The following ANAPC7 variants were observed in gnomAD, a reference collection of about 807,000 sequenced individuals.
ANAPC7 encodes the protein anaphase promoting complex subunit 7.
ANAPC7 carries 25 observed loss-of-function variants against 63.3 expected under a neutral mutation model. The observed-to-expected ratio is 0.39, with a 90% CI of 0.29 to 0.55. The LOEUF (loss-of-function observed/expected upper bound fraction) is 0.55. ANAPC7 is among the 20% of genes least tolerant of loss of function. The probability of loss-of-function intolerance (pLI) is 0.57; values close to 1 mark genes in which losing one functional copy is unlikely to be tolerated. For synonymous variants in ANAPC7, 241 were observed against 251.7 expected (o/e 0.96, Z 0.40); for missense variants, 516 against 691.7 (o/e 0.75, Z 2.85).
chr12:110,390,124 G>A (rs1029449313), intron 3 of ANAPC7, among the ~76,000 whole-genome samples: 1 of 151,402 alleles, frequency 6.6e-6, no homozygotes, highest in Non-Finnish European at 1.5e-5. Context: ...GCTAGAGTGC[G>A]ATGGCACGAT....
chr12:110,373,859 A>G lies in ANAPC7; in HGVS notation c.*285T>C. On this transcript the variant is annotated 3_prime_UTR_variant, in exon 11 of 11. Transcript: ENST00000455511. ...TTTTGGATTTAGAAATTAGTTATATAAAAAGTACTCTTGGCCCAGAAGCCC... is the reference window on the plus strand; with the variant it reads ...TTTTGGATTTAGAAATTAGTTATATGAAAAGTACTCTTGGCCCAGAAGCCC... The G allele has an allele frequency of 3.0e-6, 1 of 334,498 alleles. No homozygotes were observed. Among genetic ancestry groups the G allele is most frequent in the Non-Finnish European group, 5.4e-6 (1 of 186,090 alleles). The allele number at this position is 334,498 out of a possible 1,614,324, so 20.7% of individuals were successfully genotyped here.
At chr12:110,388,697 T>C (rs568601005) in intron 3 of ANAPC7, 74 bp from the exon 4 acceptor site, 2 of 1,078,806 alleles carry the variant, frequency 1.9e-6, no homozygotes, top group South Asian at 1.3e-5. Context: ...GAAAAAGTCC[T>C]AATTTTCATT....
chr12:110,402,645 T>C (rs1028156232), intron 1 of ANAPC7, among the ~76,000 whole-genome samples: 8 of 151,018 alleles, frequency 5.3e-5, no homozygotes, highest in South Asian at 2.1e-4. Context: ...ATAAAGGATA[T>C]TAAGCAGGAG....
At position 110,403,401 on chromosome 12, in the gene ANAPC7, G is replaced by T. The variant is rs1015049164; in HGVS notation, c.101+126C>A. On this transcript the variant is annotated intron_variant, in intron 1 of 10. Transcript: ENST00000455511. ...TGCTCCGCTCCAGGACGCCCTCGCA[G>T]ACCCCGGAGCCTCCGCTGGCGCCGG... The T allele has an allele frequency of 1.1e-5, 12 of 1,059,726 alleles. No individual in the cohort carries two copies. In the African/African-American group the frequency reaches 1.3e-4, roughly 11 times the overall value. 65.6% of individuals were successfully genotyped at this position (1,059,726 alleles called of 1,614,324 possible).
At chr12:110,399,735 A>G (rs1300796943) in intron 1 of ANAPC7, among the ~76,000 whole-genome samples, 1 of 150,336 alleles carries the variant, frequency 6.7e-6, no homozygotes, top group Non-Finnish European at 1.5e-5. Context: ...GGTTGCAGTG[A>G]GCCAAGATCC....
chr12:110,399,811 A>AG (rs1243972376), intron 1 of ANAPC7, among the ~76,000 whole-genome samples: 2 of 145,760 alleles, frequency 1.4e-5, no homozygotes, highest in Admixed American at 1.4e-4. Flanking sequence ...AAAAAAAAAA[A>AG]GGGGCCAGGC....
chr12:110,397,725 G>A (rs533891371), intron 1 of ANAPC7, among the ~76,000 whole-genome samples: 59 of 151,998 alleles, frequency 3.9e-4, no homozygotes, highest in East Asian at 2.5e-3. Context: ...TGGTGAAACC[G>A]TCTCTACTAA....
At position 110,377,444 on chromosome 12, in the gene ANAPC7, T is replaced by C; in HGVS notation, c.1306A>G (p.Thr436Ala). The change falls in exon 9 of 11, where the codon ACC (threonine) becomes GCC (alanine). Residue 436 changes from threonine (T) to alanine (A), a missense_variant. Coordinates refer to ENST00000455511, the MANE Select transcript of ANAPC7 (RefSeq NM_016238.3). ...KAKTLLDKAL[T>A]QRPDYIKAVV... ...GCCTTAATGTAATCTGGCCTTTGGG[T>C]CAGGGCTTTATCTAATAATGTTTTG... 6.2e-7 allele frequency: 1 copy of C among 1,614,156 alleles called. No individual in the cohort carries two copies. The highest frequency in any genetic ancestry group is 8.5e-7 in the Non-Finnish European group (1 of 1,180,024).
At chr12:110,379,531 A>T (rs1396072079) in intron 8 of ANAPC7, among the ~76,000 whole-genome samples, 1 of 152,234 alleles carries the variant, frequency 6.6e-6, no homozygotes, top group African/African-American at 2.4e-5. Context: ...GCAGCTGGGA[A>T]GACAGGGAAG....
In ANAPC7 at chr12:110,388,543, C is replaced by A; in HGVS notation, c.489G>T (p.Arg163Ser). ...TGGCATCAAGGGCTAATGGGCACTG[C>A]CTCAGCACCTCCTTATAGCTGGTGA... is the stretch of plus-strand genomic sequence containing the variant. ...PSVTSYKEVL[R>S]QCPLALDAIL... Residue 163 changes from arginine (R) to serine (S), a missense_variant, in exon 4 of 11, where the codon AGG becomes AGT. Around this residue, in one of 4 missense-constraint regions of ANAPC7, gnomAD observed 185 missense variants for 200.3 expected, o/e 0.92. Transcript: ENST00000455511. 2 of 1,614,110 alleles carry A rather than the reference C, an allele frequency of 1.2e-6. No homozygotes were observed. The highest frequency in any genetic ancestry group is 1.7e-6 in the Non-Finnish European group (2 of 1,179,996).
In ANAPC7 at chr12:110,397,370, C is replaced by G. The variant is rs192353241; in HGVS notation, c.102-918G>C. Among the ~76,000 whole-genome samples the G allele has an allele frequency of 1.7e-3, 255 of 151,208 alleles. 1 individual carries two copies. The highest frequency in any genetic ancestry group is 5.8e-3 in the African/African-American group (241 of 41,206). On this transcript the variant is annotated intron_variant, in intron 1 of 10. Coordinates refer to ENST00000455511, the MANE Select transcript of ANAPC7 (RefSeq NM_016238.3). The stretch of plus-strand genomic sequence containing the variant: ...AAGATCGAGATCATCCTGGCCAACA[C>G]GGTGGAACCCCAGCTCTACTAAAAA...
At chr12:110,382,453 AAAAAAAAAATATATAT>A (rs1288107998) in intron 7 of ANAPC7, among the ~76,000 whole-genome samples, 1 of 71,866 alleles carries the variant, frequency 1.4e-5, no homozygotes, top group African/African-American at 5.5e-5. Context: ...AAAAAAAAAA[AAAAAAAAAATATATAT>A]ATATATATAT....
chr12:110,397,553 G>A (rs2062161329), intron 1 of ANAPC7, among the ~76,000 whole-genome samples: 1 of 134,472 alleles, frequency 7.4e-6, no homozygotes, highest in Non-Finnish European at 1.6e-5. Flanking sequence ...GCGAGATCTC[G>A]TCTCAAAAAA....
chr12:110,375,721 A>G, intron 10 of ANAPC7: 1 of 971,812 alleles, frequency 1.0e-6, no homozygotes, highest in African/African-American at 1.7e-5. Flanking sequence ...AGTACTTACA[A>G]TACTTTGATT....
At position 110,377,583 on chromosome 12, in the gene ANAPC7, A is replaced by G; in HGVS notation, c.1167T>C (p.Ile389=). Residue 389 remains isoleucine (I), a synonymous_variant, in exon 9 of 11, where the codon ATT becomes ATC. Coordinates refer to ENST00000455511, the MANE Select transcript of ANAPC7 (RefSeq NM_016238.3). ...LIECYLASNS[I]REAMVMANNV... ...TGTTAGCCATTACCATTGCTTCTCG[A>G]ATACTGTTGGAGGCTAAGTAACATT... 1.2e-6 allele frequency: 2 copies of G among 1,614,160 alleles called. No individual in the cohort carries two copies. The highest frequency in any genetic ancestry group is 2.7e-5 in the African/African-American group (2 of 75,032).
rs1225005468 is a variant in ANAPC7 at position 110,388,499 on chromosome 12, GA to G, written c.520+12del. ...GTAAACATGCCATGAAAACAGGCAG[GA>G]AATATCTCTACCTAGAATGGCATCA... On this transcript the variant is annotated intron_variant, in intron 4 of 10. Coordinates refer to ENST00000455511, the MANE Select transcript of ANAPC7 (RefSeq NM_016238.3). 1 of 1,589,710 alleles carries G rather than the reference GA, an allele frequency of 6.3e-7. No homozygotes were observed. The highest frequency in any genetic ancestry group is 1.3e-5 in the African/African-American group (1 of 74,436).
intron 10 of ANAPC7, 99 bp from the exon 11 acceptor site, chr12:110,374,432 TC>T: frequency 8.2e-7 from 1 of 1,218,446 alleles, no homozygotes. Flanking sequence ...GACCACACAG[TC>T]CCAAAAAATG....
intron 6 of ANAPC7, among the ~76,000 whole-genome samples, chr12:110,385,441 T>C (rs1236080119): frequency 6.6e-6 from 1 of 152,232 alleles, no homozygotes; most frequent in African/African-American, 2.4e-5. Flanking sequence ...ATTACTGCAA[T>C]GCTCCTGCTA....
chr12:110,380,851 T>C (rs1881765882), intron 8 of ANAPC7, among the ~76,000 whole-genome samples: 1 of 150,746 alleles, frequency 6.6e-6, no homozygotes, highest in Admixed American at 6.6e-5. Context: ...GGCAGGAGAA[T>C]GGCATTAACC....
Sources: allele counts gnomAD v4.1 joint callset (sites outside exome capture counted in the v4.1 genomes callset), GRCh38; gene constraint gnomAD v4.1.1; regional missense constraint gnomAD v4.1.1; transcripts MANE v1.5; gene names NCBI Gene and HGNC (gene_info 2026-07-23, HGNC 2026-07-21).